The following TAF8 variants were observed in gnomAD, a reference collection of about 807,000 sequenced individuals.
TAF8 encodes transcription initiation factor TFIID subunit 8.
Under a neutral mutation model 36.5 loss-of-function variants are expected in TAF8, and 47 were observed. That is an observed-to-expected ratio of 1.29 (90% confidence interval 1.02 to 1.64). TAF8 has a LOEUF of 1.64. Ranked by LOEUF, TAF8 falls within the 40% of genes most tolerant of loss-of-function variation. The pLI, the probability that TAF8 is intolerant of heterozygous loss-of-function variation, is 0.00. For missense variants in TAF8, 420 were observed against 407.6 expected, an observed-to-expected ratio of 1.03 and a Z score of -0.26; for synonymous variants, 175 against 159.5, an observed-to-expected ratio of 1.10 and a Z score of -0.73.
chr6:42,058,771 C>T (rs918908999), intron 5 of TAF8, among the ~76,000 whole-genome samples: 5 of 152,160 alleles, frequency 3.3e-5, no homozygotes, highest in African/African-American at 1.2e-4. Context: ...TCTCACAGTT[C>T]TGGAGGCTAG....
chr6:42,070,941 AG>A (rs933793661), intron 7 of TAF8, among the ~76,000 whole-genome samples: 6 of 152,102 alleles, frequency 3.9e-5, no homozygotes, highest in African/African-American at 1.2e-4. Flanking sequence ...GTGGGCAAGG[AG>A]GTGTTCTAGT....
rs1457483099 is a variant in TAF8, at chr6:42,050,581, G to A, written c.40G>A (p.Gly14Arg). The part of the protein sequence containing the change: ...AAATAGAGGS[G>R]TRSGSKQSTN... ...GGCCACAGCTGGGGCCGGTGGCTCCGGAACGGTAAGGGCAGGAAGCGCGGG... is the reference window on the plus strand; with the variant it reads ...GGCCACAGCTGGGGCCGGTGGCTCCAGAACGGTAAGGGCAGGAAGCGCGGG... The change falls in exon 1 of 9, where the codon GGA becomes AGA. Residue 14 changes from glycine (G) to arginine (R), a missense_variant. Transcript: ENST00000372977. 2 of 1,555,290 alleles carry A rather than the reference G, an allele frequency of 1.3e-6. No homozygotes were observed. The highest frequency in any genetic ancestry group is 2.4e-5 in the East Asian group (1 of 41,752).
At chr6:42,077,064 G>C (rs373992148) in intron 7 of TAF8, 36 bp from the exon 8 acceptor site, 147 of 1,594,522 alleles carry the variant, frequency 9.2e-5, no homozygotes, top group Non-Finnish European at 1.2e-4. Context: ...TCCTTATGCT[G>C]TTGATGTTGT....
Position 42,064,378 on chromosome 6 carries a change from C to A in TAF8, c.490-1934C>A, listed in dbSNP as rs114016298. Among the ~76,000 whole-genome samples, 1,252 of 152,054 alleles carry A rather than the reference C, an allele frequency of 8.2e-3. 12 individuals are homozygous for A. The highest frequency in any genetic ancestry group is 0.028 in the African/African-American group (1,171 of 41,482). On this transcript the variant is annotated intron_variant, in intron 5 of 8. Coordinates refer to ENST00000372977, the MANE Select transcript of TAF8 (RefSeq NM_138572.3). ...AGCGATTCTCATGTCTCAGCCTCCC[C>A]CAAGTAGTTGGGATTACAGGTGCCC... is the stretch of plus-strand genomic sequence containing the variant.
At chr6:42,077,398 C>G (rs549063274) in intron 8 of TAF8, 135 bp from the exon 9 acceptor site, 286 of 1,533,410 alleles carry the variant, frequency 1.9e-4, no homozygotes, top group Non-Finnish European at 2.2e-4. Context: ...GGCTCCCGTA[C>G]ATAGCTCTTG....
Position 42,055,612 on chromosome 6 carries a change from T to C in TAF8, c.284T>C (p.Val95Ala). The change falls in exon 3 of 9, where the codon GTC becomes GCC. Residue 95 changes from valine to alanine, a missense_variant. Physicochemically the swap from Val to Ala is moderately conservative, Grantham distance 64. Coordinates refer to ENST00000372977, the MANE Select transcript of TAF8 (RefSeq NM_138572.3). Reference protein sequence around the residue: ...RTQPTLSDIVVTLVEMGFNVD... With the variant: ...RTQPTLSDIVATLVEMGFNVD... ...CAGCCCACACTGTCCGATATCGTGG[T>C]CACACTTGTTGAGATGGGTGAGTAT... 1 of 1,614,096 alleles carries C rather than the reference T, an allele frequency of 6.2e-7. No homozygotes were observed. The highest frequency in any genetic ancestry group is 1.3e-5 in the African/African-American group (1 of 75,042).
chr6:42,087,056 A>C (rs574536706), downstream of TAF8: 26 of 462,554 alleles, frequency 5.6e-5, no homozygotes, highest in South Asian at 6.7e-4. Flanking sequence ...TGAGTGCACC[A>C]TGTCTTGTGG....
At position 42,068,556 on chromosome 6, in the gene TAF8, G is replaced by T; in HGVS notation, c.729G>T (p.Ser243=). 1 of 1,613,960 alleles carries T rather than the reference G, an allele frequency of 6.2e-7. No homozygotes were observed. Among genetic ancestry groups the T allele is most frequent in the Non-Finnish European group, 8.5e-7 (1 of 1,180,018 alleles). ...AACAAATGGAAGAGACAGATTCCTC[G>T]GAGCAGGATGAACAGACAGACACAG... ...EMQQMEETDS[S]EQDEQTDTEN... The change falls in exon 7 of 9, where the codon TCG becomes TCT. Residue 243 remains serine (S), a synonymous_variant. Coordinates refer to ENST00000372977, the MANE Select transcript of TAF8 (RefSeq NM_138572.3).
At chr6:42,053,749 C>G (rs1764881892) in intron 2 of TAF8, among the ~76,000 whole-genome samples, 2 of 152,002 alleles carry the variant, frequency 1.3e-5, no homozygotes, top group South Asian at 4.1e-4. Context: ...ATAGTTTTGA[C>G]CTGTGGACTT....
rs1765620223 is a variant in TAF8 at position 42,072,729 on chromosome 6, G to GC, written c.780+4122_780+4123insC. Among the ~76,000 whole-genome samples, 3 of 143,518 alleles carry GC rather than the reference G, an allele frequency of 2.1e-5. No individual in the cohort carries two copies. The South Asian group carries it at 6.6e-4, about 32-fold the overall frequency. 94.2% of individuals were successfully genotyped at this position (143,518 alleles called of 152,430 possible). A position where few individuals can be genotyped will look rare whatever the true frequency, so the allele number is the denominator to read the frequency against. The stretch of plus-strand genomic sequence containing the variant: ...AAGTAAATAACTGGTTTTTTTGTTT[G>GC]TTTTTTTTTTTGAGACCGAGTCTCG... On this transcript the variant is annotated intron_variant, in intron 7 of 8. Transcript: ENST00000372977.
chr6:42,063,846 C>T (rs1765265699), intron 5 of TAF8: 1 of 152,032 alleles, frequency 6.6e-6, no homozygotes, highest in Non-Finnish European at 1.5e-5. Context: ...GCTTTGAACT[C>T]CCGGGCTCAA....
intron 5 of TAF8, among the ~76,000 whole-genome samples, chr6:42,059,868 C>T (rs1197518292): frequency 1.3e-5 from 2 of 152,290 alleles, no homozygotes; most frequent in South Asian, 4.1e-4. Context: ...GGTTTTATAA[C>T]ACCTTAATCT....
At chr6:42,070,912 T>G (rs528644008) in intron 7 of TAF8, among the ~76,000 whole-genome samples, 1 of 152,230 alleles carries the variant, frequency 6.6e-6, no homozygotes, top group East Asian at 1.9e-4. Context: ...GGAGACAACA[T>G]GTGGGTTCAG....
intron 2 of TAF8, among the ~76,000 whole-genome samples, chr6:42,055,290 G>C (rs780808637): frequency 1.7e-4 from 26 of 152,170 alleles, no homozygotes; most frequent in Admixed American, 3.3e-4. Context: ...TTTAAAGGCT[G>C]AATAATATTC....
Position 42,057,598 on chromosome 6 carries a change from A to G in TAF8, c.489+85A>G, listed in dbSNP as rs890014106. 11 of 1,551,928 alleles carry G rather than the reference A, an allele frequency of 7.1e-6. No individual in the cohort carries two copies. The African/African-American group carries it at 1.4e-4, about 19-fold the overall frequency. On this transcript the variant is annotated intron_variant, in intron 5 of 8. Coordinates refer to ENST00000372977, the MANE Select transcript of TAF8 (RefSeq NM_138572.3). Reference sequence around the variant, plus strand: ...CTGTCACGTGGCAGAGTCCAGTCCAAAAGCTTGTTGATGAAAGAGTGGTTC... The same window carrying G: ...CTGTCACGTGGCAGAGTCCAGTCCAGAAGCTTGTTGATGAAAGAGTGGTTC...
rs1161998831 is a variant in TAF8, at chr6:42,080,057, C to T, written c.*2512C>T. On this transcript the variant is annotated 3_prime_UTR_variant, in exon 9 of 9. Coordinates refer to ENST00000372977, the MANE Select transcript of TAF8 (RefSeq NM_138572.3). Reference sequence around the variant, plus strand: ...TAGGAGTTTTTCAGGTTTGTAGTAACGTGAAACTCTCCTAGATCGAAGCAG... The same window carrying T: ...TAGGAGTTTTTCAGGTTTGTAGTAATGTGAAACTCTCCTAGATCGAAGCAG... 1.2e-5 allele frequency: 12 copies of T among 984,976 alleles called. No homozygotes were observed. The highest frequency in any genetic ancestry group is 1.8e-5 in the African/African-American group (1 of 57,138). The allele number at this position is 984,976 out of a possible 1,614,324, so 61.0% of individuals were successfully genotyped here.
intron 6 of TAF8, 34 bp downstream of exon 6, chr6:42,066,493 A>G (rs746487053): frequency 1.2e-6 from 2 of 1,608,968 alleles, no homozygotes; most frequent in Admixed American, 1.7e-5. Context: ...ACCCTGTCTT[A>G]TTTGAAACAC....
chr6:42,053,190 C>T (rs1292511797), intron 2 of TAF8, among the ~76,000 whole-genome samples: 1 of 152,178 alleles, frequency 6.6e-6, no homozygotes, highest in Non-Finnish European at 1.5e-5. Context: ...CCACACCCAG[C>T]TCTCAGAATC....
chr6:42,079,081 C>A lies in TAF8; in HGVS notation c.*1536C>A. The A allele has an allele frequency of 1.2e-6, 1 of 826,916 alleles. No homozygotes were observed. Among genetic ancestry groups the A allele is most frequent in the Non-Finnish European group, 1.5e-6 (1 of 685,366 alleles). The allele number at this position is 826,916 out of a possible 1,614,324, so 51.2% of individuals were successfully genotyped here. A position where few individuals can be genotyped will look rare whatever the true frequency, so the allele number is the denominator to read the frequency against. ...AGGTTGCAGTGAGCCGAGATCGTGCCACTGCACTCCAGCCTGGGTGACAGA... is the reference window on the plus strand; with the variant it reads ...AGGTTGCAGTGAGCCGAGATCGTGCAACTGCACTCCAGCCTGGGTGACAGA... On this transcript the variant is annotated 3_prime_UTR_variant, in exon 9 of 9. Coordinates refer to ENST00000372977, the MANE Select transcript of TAF8 (RefSeq NM_138572.3).
Sources: allele counts gnomAD v4.1 joint callset (sites outside exome capture counted in the v4.1 genomes callset), GRCh38; gene constraint gnomAD v4.1.1; transcripts MANE v1.5; gene names NCBI Gene and HGNC (gene_info 2026-07-23, HGNC 2026-07-21).